The following NHSL1 variants were observed in gnomAD, a reference collection of about 807,000 sequenced individuals.
NHSL1 encodes NHS-like protein 1.
In NHSL1, 48 loss-of-function variants were observed where a neutral mutation model predicts 95.0. The observed-to-expected ratio is 0.51, with a 90% CI of 0.40 to 0.64. The LOEUF (loss-of-function observed/expected upper bound fraction) is 0.64. NHSL1 is among the 30% of genes least tolerant of loss of function. NHSL1 has a pLI of 0.00. For missense variants in NHSL1, 1,971 were observed against 2,077.7 expected, an observed-to-expected ratio of 0.95 and a Z score of 1.00; for synonymous variants, 783 against 833.9, an observed-to-expected ratio of 0.94 and a Z score of 1.05.
chr6:138,432,686 C>T lies in NHSL1; in HGVS notation c.1659G>A (p.Trp553Ter). Reference sequence around the variant, plus strand: ...TTCCATTACCTGAGGATTTGTATTCCCAGGGCTCCGAGCTGCTGTGCCCTC... The same window carrying T: ...TTCCATTACCTGAGGATTTGTATTCTCAGGGCTCCGAGCTGCTGTGCCCTC... ...GGGGHSSSEP[W>*]EYKSSGNGRA... is the part of the protein sequence containing the mutation. Residue 553 changes from tryptophan to a stop codon, truncating the protein, a stop_gained, in exon 6 of 8, where the codon TGG (tryptophan) becomes TGA (stop). Transcript: ENST00000343505. LOFTEE classifies it high-confidence loss of function. The surrounding 1 kb of genome is among the most constrained non-coding windows in gnomAD (Gnocchi z 4.4). 6.4e-7 allele frequency: 1 copy of T among 1,551,620 alleles called. No individual in the cohort carries two copies. The highest frequency in any genetic ancestry group is 8.7e-7 in the Non-Finnish European group (1 of 1,146,914).
intron 5 of NHSL1, among the ~76,000 whole-genome samples, chr6:138,438,603 G>T (rs1449976072): frequency 1.3e-5 from 2 of 151,924 alleles, no homozygotes; most frequent in African/African-American, 2.4e-5. Context: ...AACTTGATGG[G>T]ATTTATCTGA....
At chr6:138,629,444 G>A (rs912935751) in intron 1 of NHSL1, among the ~76,000 whole-genome samples, 2 of 151,324 alleles carry the variant, frequency 1.3e-5, no homozygotes, top group Admixed American at 6.6e-5. Context: ...GTGCAGTGTC[G>A]CGATCTCGGC....
intron 1 of NHSL1, among the ~76,000 whole-genome samples, chr6:138,688,100 T>G (rs1785610932): frequency 6.6e-6 from 1 of 152,092 alleles, no homozygotes; most frequent in South Asian, 2.1e-4. Flanking sequence ...TACAGGCATG[T>G]GCCCCTATGC....
chr6:138,636,248 C>T (rs948775156), intron 1 of NHSL1, among the ~76,000 whole-genome samples: 7 of 151,908 alleles, frequency 4.6e-5, no homozygotes, highest in African/African-American at 1.5e-4. Context: ...CAAAAAAACT[C>T]GGTATAAAAG....
At chr6:138,617,969 G>A (rs561970616) in intron 1 of NHSL1, among the ~76,000 whole-genome samples, 2 of 152,342 alleles carry the variant, frequency 1.3e-5, no homozygotes, top group South Asian at 2.1e-4. Flanking sequence ...ATGAAGCACC[G>A]TGGAGATGCA....
intron 1 of NHSL1, among the ~76,000 whole-genome samples, chr6:138,543,934 C>A (rs760383599): frequency 3.3e-5 from 5 of 152,138 alleles, no homozygotes; most frequent in Non-Finnish European, 5.9e-5. Context: ...AGCGTAAAAG[C>A]ACTTAGTTGT....
rs528560564 is a variant in NHSL1, at chr6:138,458,397, C to T, written c.340-11204G>A. On this transcript the variant is annotated intron_variant, in intron 3 of 7. Transcript: ENST00000343505. ...TCGTCTCTCTCCTCCTCTCATCCCC[C>T]AAAGTAGCCTCAGATCAAGACAAAA... Among the ~76,000 whole-genome samples the T allele has an allele frequency of 4.3e-3, 661 of 152,266 alleles. 9 individuals are homozygous for T. The highest frequency in any genetic ancestry group is 0.028 in the Admixed American group (433 of 15,286).
intron 1 of NHSL1, among the ~76,000 whole-genome samples, chr6:138,689,836 C>T (rs9495209): frequency 0.13 from 19,666 of 151,142 alleles, 1,417 homozygotes; most frequent in East Asian, 0.37. Context: ...TTGGTAGAGA[C>T]GGGGTTTCGC....
chr6:138,643,054 A>G (rs1332792848), intron 1 of NHSL1, among the ~76,000 whole-genome samples: 1 of 152,204 alleles, frequency 6.6e-6, no homozygotes. Flanking sequence ...AAGACATCTT[A>G]AAGATGTTTT....
At position 138,441,814 on chromosome 6, in the gene NHSL1, T is replaced by C. The variant is rs1776540931; in HGVS notation, c.664+169A>G. Among the ~76,000 whole-genome samples, 5 of 152,172 alleles carry C rather than the reference T, an allele frequency of 3.3e-5. No individual in the cohort carries two copies. In the South Asian group the frequency reaches 1.0e-3, roughly 32 times the overall value. On this transcript the variant is annotated intron_variant, in intron 5 of 7. Transcript: ENST00000343505. ...AAATTCAATCAACTCTCTCTCTCCA[T>C]GGGATGTTAAGATTTGCACCTAATG... is the stretch of plus-strand genomic sequence containing the variant.
chr6:138,473,385 G>T lies in NHSL1; in HGVS notation c.260C>A (p.Ser87Tyr). Residue 87 changes from serine (S) to tyrosine (Y), a missense_variant, in exon 3 of 8, where the codon TCT (serine) becomes TAT (tyrosine). By Grantham distance (144) the Ser-to-Tyr change is moderately radical. Around this residue, in one of 3 missense-constraint regions of NHSL1, gnomAD observed 1,602 missense variants for 1,654.5 expected, o/e 0.97. Transcript: ENST00000343505. ...HDGYRSSQYY[S>Y]QGPTFAANAS... is the part of the protein sequence containing the mutation. ...GTTGGCCGCAAAGGTGGGTCCCTGA[G>T]AGTAGTACTGAGAACTGCGGTAGCC... 1 of 1,546,380 alleles carries T rather than the reference G, an allele frequency of 6.5e-7. No homozygotes were observed. The highest frequency in any genetic ancestry group is 1.2e-5 in the South Asian group (1 of 83,142).
chr6:138,663,071 A>AAAAAAAG lies in NHSL1; in HGVS notation c.96+29404_96+29405insCTTTTTT, dbSNP rs767343059. ...TTCACCGAACTCACGGCAAAAAAAA[A>AAAAAAAG]AAGAAAAAGAAATATTAAATGTCTA... is the stretch of plus-strand genomic sequence containing the variant. On this transcript the variant is annotated intron_variant, in intron 1 of 3. Transcript: ENST00000491526. 8.6e-4 allele frequency among the ~76,000 whole-genome samples: 130 copies of AAAAAAAG among 151,936 alleles called. 1 individual carries two copies. The highest frequency in any genetic ancestry group is 2.8e-3 in the African/African-American group (116 of 41,418).
At chr6:138,616,699 A>C (rs1784583936) in intron 1 of NHSL1, among the ~76,000 whole-genome samples, 1 of 152,198 alleles carries the variant, frequency 6.6e-6, no homozygotes, top group Non-Finnish European at 1.5e-5. Context: ...ACCTGAACCC[A>C]AGGGGAGAGG....
chr6:138,503,351 C>T (rs1780787601), upstream of NHSL1, among the ~76,000 whole-genome samples: 1 of 152,240 alleles, frequency 6.6e-6, no homozygotes, highest in Non-Finnish European at 1.5e-5. Context: ...TACTTATTTC[C>T]CCTTGAAACT....
intron 1 of NHSL1, among the ~76,000 whole-genome samples, chr6:138,677,853 A>C (rs548389786): frequency 6.6e-6 from 1 of 152,302 alleles, no homozygotes; most frequent in Admixed American, 6.5e-5. Flanking sequence ...GGTAGGGCCA[A>C]GATTTTGCAT....
rs148807254 is a variant in NHSL1, at chr6:138,523,505, C to T, written c.16+22118G>A. ...TAAACTTTTTGTCGAGACAGGGTCT[C>T]GCTACGTTGCCCAGGCTGGTCTCAA... On this transcript the variant is annotated intron_variant, in intron 1 of 4. Coordinates refer to the NHSL1 transcript ENST00000342260. 6.2e-3 allele frequency among the ~76,000 whole-genome samples: 942 copies of T among 151,770 alleles called. 23 individuals carry two copies. Among genetic ancestry groups the T allele is most frequent in the Admixed American group, 0.048 (732 of 15,224 alleles).
chr6:138,670,687 C>G (rs1160079404), intron 1 of NHSL1, among the ~76,000 whole-genome samples: 1 of 134,684 alleles, frequency 7.4e-6, no homozygotes, highest in Non-Finnish European at 1.6e-5. Context: ...AAAAAAAAAA[C>G]TTTAAAAACT....
intron 1 of NHSL1, among the ~76,000 whole-genome samples, chr6:138,591,375 T>A (rs1358811494): frequency 6.6e-6 from 1 of 152,232 alleles, no homozygotes; most frequent in Non-Finnish European, 1.5e-5. Context: ...AAACATTAAA[T>A]GAAAAATTCC....
intron 1 of NHSL1, among the ~76,000 whole-genome samples, chr6:138,691,547 G>C (rs149792877): frequency 6.7e-4 from 102 of 152,240 alleles, no homozygotes; most frequent in African/African-American, 2.4e-3. Context: ...AAATCTAGGC[G>C]TGTGTTACAT....
Sources: allele counts gnomAD v4.1 joint callset (sites outside exome capture counted in the v4.1 genomes callset), GRCh38; gene constraint gnomAD v4.1.1; regional missense constraint gnomAD v4.1.1; non-coding constraint Gnocchi (gnomAD v3.1); transcripts MANE v1.5; gene names NCBI Gene and HGNC (gene_info 2026-07-23, HGNC 2026-07-21).